Variants in SEPTIN8 observed in about 807,000 individuals in gnomAD.
The protein encoded by SEPTIN8 is septin 8.
Under a neutral mutation model 53.1 loss-of-function variants are expected in SEPTIN8, and 22 were observed. That is an observed-to-expected ratio of 0.41 (90% confidence interval 0.30 to 0.59). SEPTIN8 has a LOEUF of 0.59. Ranked by LOEUF, SEPTIN8 falls within the 20% of genes least tolerant of loss-of-function variation. The pLI, the probability that SEPTIN8 is intolerant of heterozygous loss-of-function variation, is 0.24. For synonymous variants in SEPTIN8, 228 were observed against 248.4 expected, an observed-to-expected ratio of 0.92 and a Z score of 0.77; for missense variants, 536 against 638.7, an observed-to-expected ratio of 0.84 and a Z score of 1.73.
At chr5:132,779,677 T>TG, upstream of SEPTIN8, among the ~76,000 whole-genome samples, 1 of 152,376 alleles carries the variant, frequency 6.6e-6, no homozygotes, top group Admixed American at 6.5e-5. Flanking sequence ...ATTTTTACTT[T>TG]GGCTTCTAAA....
At chr5:132,770,125 GTA>G (rs1248248487) in intron 1 of SEPTIN8, among the ~76,000 whole-genome samples, 10 of 47,352 alleles carry the variant, frequency 2.1e-4, no homozygotes, top group East Asian at 1.8e-3. Flanking sequence ...ATATATATAT[GTA>G]TATATGTGTA....
At position 132,769,176 on chromosome 5, in the gene SEPTIN8, A is replaced by G. The variant is rs140679511; in HGVS notation, c.31-3647T>C. ...TTGGTCCTTCCTCACTGTGGATGACAGACTCCATGATTATCCCCATTTTAC... is the reference window on the plus strand; with the variant it reads ...TTGGTCCTTCCTCACTGTGGATGACGGACTCCATGATTATCCCCATTTTAC... On this transcript the variant is annotated intron_variant, in intron 1 of 9. Transcript: ENST00000378719. 2.6e-3 allele frequency among the ~76,000 whole-genome samples: 389 copies of G among 152,308 alleles called. 2 individuals are homozygous for G. The highest frequency in any genetic ancestry group is 8.8e-3 in the African/African-American group (365 of 41,564).
chr5:132,765,268 C>G, intron 2 of SEPTIN8, 141 bp downstream of exon 2: 1 of 979,748 alleles, frequency 1.0e-6, no homozygotes, highest in Non-Finnish European at 1.5e-6. Context: ...GCAGAGACAC[C>G]AACCAAATCC....
chr5:132,761,253 T>C lies in SEPTIN8; in HGVS notation c.975A>G (p.Thr325=). The C allele has an allele frequency of 1.2e-6, 2 of 1,613,932 alleles. No individual in the cohort carries two copies. The highest frequency in any genetic ancestry group is 1.1e-5 in the South Asian group (1 of 91,088). ...GGAACTCCTTCCTCTTGGCCTCGTATGTCTCTTGTAGGCTGTGGAGACCCA... is the reference window on the plus strand; with the variant it reads ...GGAACTCCTTCCTCTTGGCCTCGTACGTCTCTTGTAGGCTGTGGAGACCCA... ...GDSQPFSLQE[T]YEAKRKEFLS... Residue 325 remains threonine (T), a synonymous_variant, in exon 8 of 10, where the codon ACA becomes ACG. Coordinates refer to ENST00000378719, the MANE Select transcript of SEPTIN8 (RefSeq NM_001098811.2). This position sits in a 1 kb window ranked among gnomAD's most constrained non-coding sequence, Gnocchi z 5.8.
chr5:132,757,854 C>T (rs1755487774), intron 9 of SEPTIN8: 25 of 985,378 alleles, frequency 2.5e-5, no homozygotes, highest in Non-Finnish European at 3.0e-5. Flanking sequence ...CATCAGACAC[C>T]TTCATCTCTT....
chr5:132,756,525 A>C, intron 9 of SEPTIN8: 1 of 985,466 alleles, frequency 1.0e-6, no homozygotes, highest in Non-Finnish European at 1.2e-6. Flanking sequence ...CTCTGCAGAC[A>C]GGGTCACATT....
Position 132,765,436 on chromosome 5 carries a change from C to T in SEPTIN8, c.124G>A (p.Gly42Ser). The T allele has an allele frequency of 1.2e-6, 2 of 1,613,666 alleles. No individual in the cohort carries two copies. Among genetic ancestry groups the T allele is most frequent in the Non-Finnish European group, 1.7e-6 (2 of 1,179,766 alleles). The change falls in exon 2 of 10, where the codon GGC becomes AGC. Residue 42 changes from glycine (G) to serine (S), a missense_variant. This residue lies in a region of SEPTIN8 where 395 missense variants were observed against 451.8 expected (regional missense o/e 0.87). Transcript: ENST00000378719. ...ACACAGAGGATGTTGAAGCTGAAGCCCTGAGTGACCGACTTGCTGACCAGC... is the reference window on the plus strand; with the variant it reads ...ACACAGAGGATGTTGAAGCTGAAGCTCTGAGTGACCGACTTGCTGACCAGC... ...DQLVSKSVTQ[G>S]FSFNILCVGE...
At chr5:132,769,102 G>A (rs1041417663) in intron 1 of SEPTIN8, among the ~76,000 whole-genome samples, 1 of 152,186 alleles carries the variant, frequency 6.6e-6, no homozygotes, top group Non-Finnish European at 1.5e-5. Context: ...ACCTCACTGA[G>A]GACCACCATG....
intron 2 of SEPTIN8, 111 bp downstream of exon 2, chr5:132,765,298 G>C: frequency 1.5e-6 from 2 of 1,350,062 alleles, no homozygotes; most frequent in East Asian, 2.4e-5. Flanking sequence ...CACCCCCAAA[G>C]TTTCACTCTG....
intron 9 of SEPTIN8, chr5:132,758,008 G>A (rs1277162509): frequency 7.1e-6 from 7 of 988,906 alleles, no homozygotes; most frequent in Non-Finnish European, 7.2e-6. Context: ...ACATGGAGTT[G>A]GTCCCTGTCT....
Position 132,764,323 on chromosome 5 carries a change from A to C in SEPTIN8, c.248T>G (p.Leu83Arg). ...EASHHEACVR[L>R]RPQTYDLQES... The stretch of plus-strand genomic sequence containing the variant: ...CTGGAGGTCATAGGTCTGGGGCCGC[A>C]GGCGCACGCATGCCTCATGGTGACT... The change falls in exon 3 of 10, where the codon CTG (leucine) becomes CGG (arginine). Residue 83 changes from leucine (L) to arginine (R), a missense_variant. This residue lies in a region of SEPTIN8 where 395 missense variants were observed against 451.8 expected (regional missense o/e 0.87). Transcript: ENST00000378719. The C allele has an allele frequency of 6.2e-7, 1 of 1,614,154 alleles. No homozygotes were observed. Among genetic ancestry groups the C allele is most frequent in the Non-Finnish European group, 8.5e-7 (1 of 1,180,024 alleles).
chr5:132,775,440 C>T (rs1383052621), intron 1 of SEPTIN8, among the ~76,000 whole-genome samples: 1 of 152,170 alleles, frequency 6.6e-6, no homozygotes, highest in Non-Finnish European at 1.5e-5. Context: ...AAGTACCTCC[C>T]CTGGATTCTC....
chr5:132,778,041 C>T, upstream of SEPTIN8: 2 of 985,524 alleles, frequency 2.0e-6, no homozygotes, highest in South Asian at 9.4e-5. Context: ...CACGTTCTCT[C>T]CGCTAATGTC....
intron 9 of SEPTIN8, 130 bp from the exon 10 acceptor site, chr5:132,752,311 T>G: frequency 4.2e-5 from 51 of 1,201,004 alleles, no homozygotes; most frequent in Non-Finnish European, 5.6e-5. Flanking sequence ...GTTCTGGCCA[T>G]AACCCTGGAA....
rs57640097 is a variant in SEPTIN8, at chr5:132,767,943, C to CCACACACACACACACACA, written c.31-2432_31-2415dup. ...CCACCAAGTCAGCTGTGTCTGGAAA[C>CCACACACACACACACACA]CACACACACACACACACACACACAC... On this transcript the variant is annotated intron_variant, in intron 1 of 9. Coordinates refer to ENST00000378719, the MANE Select transcript of SEPTIN8 (RefSeq NM_001098811.2). 4.3e-3 allele frequency among the ~76,000 whole-genome samples: 551 copies of CCACACACACACACACACA among 127,956 alleles called. 11 individuals are homozygous for CCACACACACACACACACA. Among genetic ancestry groups the CCACACACACACACACACA allele is most frequent in the East Asian group, 0.04 (146 of 3,628 alleles). 83.9% of individuals were successfully genotyped at this position (127,956 alleles called of 152,430 possible). A position where few individuals can be genotyped will look rare whatever the true frequency, so the allele number is the denominator to read the frequency against.
upstream of SEPTIN8, chr5:132,777,865 G>A (rs1359181488): frequency 4.1e-6 from 4 of 985,378 alleles, no homozygotes; most frequent in African/African-American, 5.2e-5. This position sits in a 1 kb window ranked among gnomAD's most constrained non-coding sequence, Gnocchi z 4.1. Context: ...TGCAACCAAC[G>A]AGCAGGATGC....
intron 2 of SEPTIN8, among the ~76,000 whole-genome samples, chr5:132,764,993 CTGT>C (rs1756435989): frequency 1.3e-5 from 2 of 151,874 alleles, no homozygotes; most frequent in Admixed American, 6.6e-5. Flanking sequence ...CTGCTTGGGG[CTGT>C]TATTTGTTCA....
intron 9 of SEPTIN8, chr5:132,754,656 A>AT: frequency 1.7e-6 from 1 of 604,508 alleles, no homozygotes. Context: ...CCACTCGTGG[A>AT]TTTTTAAAAA....
chr5:132,776,788 C>G lies in SEPTIN8; in HGVS notation c.30+320G>C, dbSNP rs1228077703. 6.6e-6 allele frequency among the ~76,000 whole-genome samples: 1 copy of G among 152,188 alleles called. No individual in the cohort carries two copies. The highest frequency in any genetic ancestry group is 1.5e-5 in the Non-Finnish European group (1 of 68,018). On this transcript the variant is annotated intron_variant, in intron 1 of 9. Coordinates refer to ENST00000378719, the MANE Select transcript of SEPTIN8 (RefSeq NM_001098811.2). This position sits in a 1 kb window ranked among gnomAD's most constrained non-coding sequence, Gnocchi z 4.4. ...GGTCCGGAGTGTCCCGGACCCTCAC[C>G]TGCGGCCCCGCGGGCGCCACTCTAT...
Sources: gnomAD v4.1 joint callset for allele counts (sites outside exome capture counted in the v4.1 genomes callset) on GRCh38, gnomAD v4.1.1 for gene constraint, gnomAD v4.1.1 regional missense constraint, Gnocchi (gnomAD v3.1) non-coding constraint, MANE v1.5 for transcripts, NCBI Gene and HGNC (gene_info 2026-07-23, HGNC 2026-07-21) for gene names.